The following PTN variants were observed in gnomAD, a reference collection of about 807,000 sequenced individuals.
PTN encodes heparin affin regulatory protein.
Under a neutral mutation model 24.1 loss-of-function variants are expected in PTN, and 18 were observed. The observed-to-expected ratio is 0.75, with a 90% CI of 0.52 to 1.11. PTN has a LOEUF of 1.11. Ranked by LOEUF, PTN falls within the 50% of genes least tolerant of loss-of-function variation. The pLI is 0.00. For missense variants in PTN, 163 were observed against 198.8 expected (o/e 0.82, Z 1.08); for synonymous variants, 78 against 68.6 (o/e 1.14, Z -0.67).
intron 1 of PTN, among the ~76,000 whole-genome samples, chr7:137,266,969 A>G (rs910426091): frequency 6.7e-6 from 1 of 149,514 alleles, no homozygotes; most frequent in Non-Finnish European, 1.5e-5. Context: ...GGTTTCTGAT[A>G]GGAAGGCCTC....
At chr7:137,276,487 G>A (rs767670367) in intron 1 of PTN, among the ~76,000 whole-genome samples, 2 of 152,174 alleles carry the variant, frequency 1.3e-5, no homozygotes, top group Non-Finnish European at 2.9e-5. Flanking sequence ...TAAAACCAGG[G>A]TGAAATGGGT....
intron 1 of PTN, among the ~76,000 whole-genome samples, chr7:137,279,221 A>G (rs1391227970): frequency 6.6e-6 from 1 of 152,156 alleles, no homozygotes; most frequent in East Asian, 1.9e-4. Context: ...ATAGCTAGTG[A>G]TGTTTACTCT....
At chr7:137,257,867 A>G (rs1808961850) in intron 1 of PTN, among the ~76,000 whole-genome samples, 1 of 152,172 alleles carries the variant, frequency 6.6e-6, no homozygotes, top group African/African-American at 2.4e-5. Flanking sequence ...CCATAGTCCT[A>G]TGATACCTAC....
At chr7:137,243,087 C>T (rs529831093) in intron 4 of PTN, among the ~76,000 whole-genome samples, 23 of 152,312 alleles carry the variant, frequency 1.5e-4, no homozygotes, top group African/African-American at 3.6e-4. Context: ...CAGGTATGCA[C>T]CACCACGCCC....
intron 4 of PTN, among the ~76,000 whole-genome samples, chr7:137,229,917 G>A (rs1286269637): frequency 6.6e-6 from 1 of 151,780 alleles, no homozygotes; most frequent in Non-Finnish European, 1.5e-5. Context: ...GGCAACAGCT[G>A]TATATTAGGA....
At chr7:137,248,978 C>T (rs949217933) in intron 4 of PTN, among the ~76,000 whole-genome samples, 1 of 151,788 alleles carries the variant, frequency 6.6e-6, no homozygotes, top group African/African-American at 2.4e-5. Flanking sequence ...GTCATTTTTT[C>T]AAGCTGAAAG....
chr7:137,252,859 C>G (rs982890918), intron 3 of PTN, among the ~76,000 whole-genome samples: 1 of 152,110 alleles, frequency 6.6e-6, no homozygotes, highest in Non-Finnish European at 1.5e-5. Context: ...TGACTCCAGT[C>G]AGTGGGAGAA....
At chr7:137,259,589 ATTAC>A (rs1808997404) in intron 1 of PTN, among the ~76,000 whole-genome samples, 1 of 151,784 alleles carries the variant, frequency 6.6e-6, no homozygotes. Context: ...CTTTACTCTT[ATTAC>A]TTACTACAAA....
chr7:137,296,407 CAAAG>C (rs1225988404), intron 1 of PTN, among the ~76,000 whole-genome samples: 1 of 151,828 alleles, frequency 6.6e-6, no homozygotes, highest in East Asian at 1.9e-4. Context: ...GAAAGGTTGA[CAAAG>C]GAAGAAGAGA....
intron 1 of PTN, among the ~76,000 whole-genome samples, chr7:137,279,922 C>T (rs1451953910): frequency 6.6e-6 from 1 of 152,116 alleles, no homozygotes; most frequent in East Asian, 1.9e-4. Context: ...AAAAAAGTTG[C>T]TGAGAAGAAA....
chr7:137,270,135 T>C (rs945009178), intron 1 of PTN, among the ~76,000 whole-genome samples: 1 of 152,236 alleles, frequency 6.6e-6, no homozygotes, highest in Admixed American at 6.5e-5. Flanking sequence ...TGCACTCCGA[T>C]AAAGCATCAG....
intron 1 of PTN, among the ~76,000 whole-genome samples, chr7:137,269,622 C>CTTTTTT (rs1194863462): frequency 4.7e-5 from 5 of 106,064 alleles, no homozygotes; most frequent in African/African-American, 1.8e-4. Context: ...GCTGCTTCAT[C>CTTTTTT]TATTTTTTTT....
chr7:137,268,706 C>T (rs1004463328), intron 1 of PTN, among the ~76,000 whole-genome samples: 1 of 152,212 alleles, frequency 6.6e-6, no homozygotes, highest in African/African-American at 2.4e-5. Context: ...CAGGCAGGCC[C>T]AGGCCTGGTT....
chr7:137,241,895 A>T (rs1808635234), intron 4 of PTN, among the ~76,000 whole-genome samples: 1 of 152,068 alleles, frequency 6.6e-6, no homozygotes, highest in Admixed American at 6.5e-5. Context: ...GGGGCCTTCG[A>T]GGGGAGGGAG....
At chr7:137,331,348 G>A (rs34038485) in intron 1 of PTN, among the ~76,000 whole-genome samples, 1 of 152,148 alleles carries the variant, frequency 6.6e-6, no homozygotes, top group African/African-American at 2.4e-5. Context: ...CGTATCAGAA[G>A]GCAAACTGTA....
At chr7:137,320,093 T>C (rs1201964366) in intron 1 of PTN, among the ~76,000 whole-genome samples, 1 of 152,234 alleles carries the variant, frequency 6.6e-6, no homozygotes, top group Non-Finnish European at 1.5e-5. Flanking sequence ...GACATAAATA[T>C]ACGCATTCAT....
At chr7:137,253,769 T>A in intron 2 of PTN, 132 bp from the exon 3 acceptor site, 1 of 754,238 alleles carries the variant, frequency 1.3e-6, no homozygotes, top group Non-Finnish European at 1.9e-6. Flanking sequence ...GTCTAATGAA[T>A]AGTAGAAACA....
At chr7:137,335,483 A>G (rs1334658835) in intron 1 of PTN, among the ~76,000 whole-genome samples, 1 of 152,206 alleles carries the variant, frequency 6.6e-6, no homozygotes, top group Non-Finnish European at 1.5e-5. Context: ...TTTTGCATAT[A>G]ACATATTGAC....
rs954929917 is a variant in PTN, at chr7:137,343,581, C to T, written c.-144G>A. 7.7e-6 allele frequency: 4 copies of T among 518,886 alleles called. No homozygotes were observed. The highest frequency in any genetic ancestry group is 1.9e-5 in the African/African-American group (1 of 51,946). The allele number at this position is 518,886 out of a possible 1,614,324, so 32.1% of individuals were successfully genotyped here. A position where few individuals can be genotyped will look rare whatever the true frequency, so the allele number is the denominator to read the frequency against. ...CTCCCCGCCTTCTGGACGGATGACT[C>T]ACTGGTCTCTTTCTTCCCCTCTCTC... On this transcript the variant is annotated 5_prime_UTR_variant, in exon 1 of 5. Transcript: ENST00000348225.
Sources: allele counts gnomAD v4.1 joint callset (sites outside exome capture counted in the v4.1 genomes callset), GRCh38; gene constraint gnomAD v4.1.1; transcripts MANE v1.5; gene names NCBI Gene and HGNC (gene_info 2026-07-23, HGNC 2026-07-21).